Variants in GRM7 observed in about 807,000 individuals in gnomAD.
GRM7 encodes metabotropic glutamate receptor 7.
Under a neutral mutation model 84.5 loss-of-function variants are expected in GRM7, and 35 were observed. The ratio of observed to expected loss-of-function variants is 0.41; its 90% CI spans 0.32 to 0.55. The LOEUF is 0.55. GRM7 is among the 20% of genes least tolerant of loss of function. GRM7 has a pLI of 0.19. For missense variants in GRM7, 1,003 were observed against 1,194.6 expected (o/e 0.84, Z 2.36); for synonymous variants, 487 against 455.1 (o/e 1.07, Z -0.89).
intron 7 of GRM7, among the ~76,000 whole-genome samples, chr3:7,504,806 C>T (rs1426668779): frequency 6.6e-6 from 1 of 152,172 alleles, no homozygotes; most frequent in East Asian, 1.9e-4. Flanking sequence ...TTAGCCATAG[C>T]ATTCTGTCTC....
intron 8 of GRM7, among the ~76,000 whole-genome samples, chr3:7,587,453 T>A (rs1368693329): frequency 1.3e-5 from 2 of 152,126 alleles, no homozygotes; most frequent in East Asian, 3.9e-4. Flanking sequence ...GGTAAAATAG[T>A]CACATATCTG....
At chr3:6,869,383 C>T (rs1695038133) in intron 1 of GRM7, among the ~76,000 whole-genome samples, 1 of 152,106 alleles carries the variant, frequency 6.6e-6, no homozygotes. Context: ...CTGAGATTAG[C>T]ATGTTTAATA....
intron 1 of GRM7, among the ~76,000 whole-genome samples, chr3:7,061,160 T>G (rs1376707538): frequency 6.6e-6 from 1 of 151,782 alleles, no homozygotes; most frequent in Admixed American, 6.6e-5. Flanking sequence ...ATAAGATAAA[T>G]CTCCATAAGG....
chr3:7,369,027 C>T (rs926847068), intron 4 of GRM7, among the ~76,000 whole-genome samples: 4 of 152,020 alleles, frequency 2.6e-5, no homozygotes, highest in African/African-American at 9.7e-5. Context: ...CACTGTTCTC[C>T]CTTTCTATGG....
chr3:7,228,810 G>C (rs1031569098), intron 2 of GRM7, among the ~76,000 whole-genome samples: 4 of 152,162 alleles, frequency 2.6e-5, no homozygotes, highest in Non-Finnish European at 5.9e-5. Context: ...TTCCATTGTA[G>C]ATAAAATTGG....
chr3:6,923,323 C>T (rs1697189470), intron 1 of GRM7, among the ~76,000 whole-genome samples: 1 of 74,812 alleles, frequency 1.3e-5, no homozygotes, highest in Admixed American at 1.2e-4. Flanking sequence ...CCCACACGAA[C>T]ATGAAAAAAA....
intron 8 of GRM7, chr3:7,636,447 C>G (rs17047754): frequency 2.9e-6 from 1 of 349,246 alleles, no homozygotes; most frequent in African/African-American, 2.1e-5. Flanking sequence ...ACAAGAACAT[C>G]GGTTGAGAAT....
chr3:7,013,433 A>G (rs185397137), intron 1 of GRM7, among the ~76,000 whole-genome samples: 38 of 152,338 alleles, frequency 2.5e-4, no homozygotes, highest in Non-Finnish European at 5.0e-4. Flanking sequence ...TATTTTATCC[A>G]TAATAATTTC....
intron 8 of GRM7, among the ~76,000 whole-genome samples, chr3:7,583,657 G>T (rs1695373947): frequency 6.6e-6 from 1 of 152,192 alleles, no homozygotes; most frequent in Non-Finnish European, 1.5e-5. Context: ...GAACAGTCAA[G>T]GAATTGGGGT....
chr3:7,615,130 C>G (rs1697025537), intron 8 of GRM7, among the ~76,000 whole-genome samples: 1 of 151,964 alleles, frequency 6.6e-6, no homozygotes, highest in Non-Finnish European at 1.5e-5. Context: ...AATGTTTCAT[C>G]TTCTTTTGTA....
intron 1 of GRM7, among the ~76,000 whole-genome samples, chr3:7,145,253 G>C (rs781711256): frequency 6.6e-6 from 1 of 152,042 alleles, no homozygotes; most frequent in Non-Finnish European, 1.5e-5. Flanking sequence ...ATAAAGCAGG[G>C]ATAAGACCTG....
intron 1 of GRM7, among the ~76,000 whole-genome samples, chr3:7,070,454 A>G (rs1356709077): frequency 6.6e-6 from 1 of 152,118 alleles, no homozygotes; most frequent in East Asian, 1.9e-4. Flanking sequence ...TTTCATTCCT[A>G]ATAAACTTAT....
chr3:7,432,876 G>A (rs1420689936), intron 5 of GRM7, among the ~76,000 whole-genome samples: 1 of 152,102 alleles, frequency 6.6e-6, no homozygotes, highest in Non-Finnish European at 1.5e-5. Flanking sequence ...AGTGTATGGA[G>A]GATAAGGGAG....
At chr3:7,574,685 C>G (rs1694874299) in intron 7 of GRM7, among the ~76,000 whole-genome samples, 1 of 152,228 alleles carries the variant, frequency 6.6e-6, no homozygotes, top group South Asian at 2.1e-4. Flanking sequence ...AAGAGCTTCT[C>G]ACAGGAATTT....
At chr3:7,685,649 G>A (rs1391736705) in intron 9 of GRM7, among the ~76,000 whole-genome samples, 1 of 152,138 alleles carries the variant, frequency 6.6e-6, no homozygotes, top group East Asian at 1.9e-4. Context: ...ATATGGAATT[G>A]TATTCTGATG....
chr3:7,108,324 G>C (rs1426693153), intron 1 of GRM7, among the ~76,000 whole-genome samples: 1 of 152,042 alleles, frequency 6.6e-6, no homozygotes, highest in South Asian at 2.1e-4. Context: ...GACAGATGAT[G>C]AAAGAGTCTG....
intron 8 of GRM7, among the ~76,000 whole-genome samples, chr3:7,637,969 T>A (rs1698178918): frequency 6.6e-6 from 1 of 152,194 alleles, no homozygotes; most frequent in Admixed American, 6.5e-5. Context: ...AACGGCAGTG[T>A]CCAGGTACTG....
chr3:7,559,833 A>G (rs562446599), intron 7 of GRM7, among the ~76,000 whole-genome samples: 2 of 152,158 alleles, frequency 1.3e-5, no homozygotes, highest in East Asian at 1.9e-4. Flanking sequence ...TCAAAGTGCC[A>G]TCAGTATTGG....
intron 1 of GRM7, among the ~76,000 whole-genome samples, chr3:7,085,087 A>G (rs571715910): frequency 6.6e-6 from 1 of 152,238 alleles, no homozygotes; most frequent in Admixed American, 6.5e-5. Flanking sequence ...GTTGCTTTAG[A>G]AGTCCATTGA....
Sources: allele counts gnomAD v4.1 joint callset (sites outside exome capture counted in the v4.1 genomes callset), GRCh38; gene constraint gnomAD v4.1.1; transcripts MANE v1.5; gene names NCBI Gene and HGNC (gene_info 2026-07-23, HGNC 2026-07-21).